CUL9: variants seen among roughly 807,000 people sequenced by gnomAD.
CUL9 encodes cullin 9.
In CUL9, 79 loss-of-function variants were observed where a neutral mutation model predicts 272.6. The observed-to-expected ratio is 0.29, with a 90% CI of 0.24 to 0.35. CUL9 has a LOEUF of 0.35. CUL9 is among the 10% of genes least tolerant of loss of function. The pLI, the probability that CUL9 is intolerant of heterozygous loss-of-function variation, is 1.00. For missense variants in CUL9, 2,532 were observed against 3,255.6 expected, an observed-to-expected ratio of 0.78 and a Z score of 5.41; for synonymous variants, 1,186 against 1,286.5, an observed-to-expected ratio of 0.92 and a Z score of 1.67.
rs1267359305 is a variant in CUL9, at chr6:43,216,148, TC to T, written c.5937-6del. The stretch of plus-strand genomic sequence containing the variant: ...GGAATACTGACTTCTGTCTCTTCCC[TC>T]CCCACAAGCCCAGAAGCTGTGGCTA... On this transcript the variant is annotated splice_polypyrimidine_tract_variant and intron_variant, in intron 30 of 40. Transcript: ENST00000252050. The T allele has an allele frequency of 6.3e-7, 1 of 1,596,894 alleles. No individual in the cohort carries two copies. Among genetic ancestry groups the T allele is most frequent in the Admixed American group, 1.7e-5 (1 of 59,592 alleles).
chr6:43,199,303 G>T lies in CUL9; in HGVS notation c.3088G>T (p.Val1030Phe). The change falls in exon 13 of 41, where the codon GTC becomes TTC. Residue 1030 changes from valine (V) to phenylalanine (F), a missense_variant. Transcript: ENST00000252050. This position sits in a 1 kb window ranked among gnomAD's most constrained non-coding sequence, Gnocchi z 4.4. ...TRLLDFPEAMVLPWHEVLEPC... is the reference protein window; with the variant it reads ...TRLLDFPEAMFLPWHEVLEPC... Reference sequence around the variant, plus strand: ...ACTGCTGGATTTCCCTGAGGCAATGGTCCTCCCCTGGCACGAGGTCTTGGA... The same window carrying T: ...ACTGCTGGATTTCCCTGAGGCAATGTTCCTCCCCTGGCACGAGGTCTTGGA... The T allele has an allele frequency of 1.9e-6, 3 of 1,613,632 alleles. No individual in the cohort carries two copies. Among genetic ancestry groups the T allele is most frequent in the Non-Finnish European group, 2.5e-6 (3 of 1,179,742 alleles).
Position 43,223,416 on chromosome 6 carries a change from C to G in CUL9, c.7284+19C>G. The G allele has an allele frequency of 6.3e-7, 1 of 1,575,638 alleles. No individual in the cohort carries two copies. The highest frequency in any genetic ancestry group is 8.6e-7 in the Non-Finnish European group (1 of 1,157,646). ...TGCCCAGGTACTGCCCGGCCCAGAC[C>G]CCTTCTGCTCCTGCATTCTGCGGGA... On this transcript the variant is annotated intron_variant, in intron 39 of 40. Coordinates refer to ENST00000252050, the MANE Select transcript of CUL9 (RefSeq NM_015089.4). This position sits in a 1 kb window ranked among gnomAD's most constrained non-coding sequence, Gnocchi z 4.1.
At chr6:43,201,315 G>C (rs1219831220) in intron 16 of CUL9, among the ~76,000 whole-genome samples, 1 of 152,074 alleles carries the variant, frequency 6.6e-6, no homozygotes, top group East Asian at 1.9e-4. Flanking sequence ...GGAAGGAGGG[G>C]GTGACTGAGC....
rs776582121 is a variant in CUL9, at chr6:43,221,785, C to T, written c.6846+7C>T. On this transcript the variant is annotated splice_region_variant and intron_variant, in intron 35 of 40. Coordinates refer to ENST00000252050, the MANE Select transcript of CUL9 (RefSeq NM_015089.4). This position sits in a 1 kb window ranked among gnomAD's most constrained non-coding sequence, Gnocchi z 4.2. ...TTACAACTGCTCTGCCATGGTAAGG[C>T]GCTGGGCACTAGGGGAGGGCAGAGG... 2 of 1,609,888 alleles carry T rather than the reference C, an allele frequency of 1.2e-6. No individual in the cohort carries two copies. The highest frequency in any genetic ancestry group is 1.7e-5 in the Admixed American group (1 of 59,960).
At position 43,205,331 on chromosome 6, in the gene CUL9, A is replaced by C. The variant is rs772543567; in HGVS notation, c.4701A>C (p.Gly1567=). 2.4e-5 allele frequency: 38 copies of C among 1,614,002 alleles called. No individual in the cohort carries two copies. Among genetic ancestry groups the C allele is most frequent in the Non-Finnish European group, 2.8e-5 (33 of 1,180,038 alleles). ...GTGGCCTGATTGGTGGAGCCCCTGG[A>C]GTGGAAATGCTGGGGCAGCTTCAGC... ...IQGGLIGGAP[G]VEMLGQLQRH... Residue 1567 remains glycine (G), a synonymous_variant, in exon 24 of 41, where the codon GGA becomes GGC. Coordinates refer to ENST00000252050, the MANE Select transcript of CUL9 (RefSeq NM_015089.4).
At chr6:43,214,028 G>T (rs1419942969) in intron 29 of CUL9, 116 bp downstream of exon 29, 4 of 1,061,002 alleles carry the variant, frequency 3.8e-6, no homozygotes, top group Non-Finnish European at 5.6e-6. Context: ...TTTCCATCTG[G>T]GTTTTCTGTT....
chr6:43,196,481 T>C lies in CUL9; in HGVS notation c.2586-164T>C, dbSNP rs562872840. The C allele has an allele frequency of 1.3e-4, 105 of 803,790 alleles. No individual in the cohort carries two copies. The African/African-American group carries it at 1.5e-3, about 12-fold the overall frequency. 49.8% of individuals were successfully genotyped at this position (803,790 alleles called of 1,614,324 possible). ...GCAGAGACACACTGACTTCCCTTTATGGGTTTGGGAGGAGTGGCCCAAGGT... is the reference window on the plus strand; with the variant it reads ...GCAGAGACACACTGACTTCCCTTTACGGGTTTGGGAGGAGTGGCCCAAGGT... On this transcript the variant is annotated intron_variant, in intron 10 of 40. Coordinates refer to ENST00000252050, the MANE Select transcript of CUL9 (RefSeq NM_015089.4).
rs201647468 is a variant in CUL9, at chr6:43,224,078, T to G, written c.7285-17T>G. The G allele has an allele frequency of 4.5e-5, 73 of 1,613,914 alleles. No individual in the cohort carries two copies. Among genetic ancestry groups the G allele is most frequent in the Middle Eastern group, 3.3e-4 (2 of 6,050 alleles). Reference sequence around the variant, plus strand: ...TGCCCTCTACCTCCTTCTCAAATCCTTCTGTCTGCTCACCAGGATTTCCGG... The same window carrying G: ...TGCCCTCTACCTCCTTCTCAAATCCGTCTGTCTGCTCACCAGGATTTCCGG... On this transcript the variant is annotated splice_polypyrimidine_tract_variant and intron_variant, in intron 39 of 40. Coordinates refer to ENST00000252050, the MANE Select transcript of CUL9 (RefSeq NM_015089.4). The surrounding 1 kb of genome is among the most constrained non-coding windows in gnomAD (Gnocchi z 4.2).
Position 43,199,887 on chromosome 6 carries a change from C to T in CUL9, c.3157-42C>T. ...TCTCCTCAATCCTTACATGTCCTAC[C>T]TCTTGTTTCCTGTAAATTAATCTAT... On this transcript the variant is annotated intron_variant, in intron 13 of 40. Transcript: ENST00000252050. The surrounding 1 kb of genome is among the most constrained non-coding windows in gnomAD (Gnocchi z 4.4). The T allele has an allele frequency of 1.3e-6, 2 of 1,499,220 alleles. No homozygotes were observed. Among genetic ancestry groups the T allele is most frequent in the Non-Finnish European group, 1.9e-6 (2 of 1,076,558 alleles). 92.9% of individuals were successfully genotyped at this position (1,499,220 alleles called of 1,614,324 possible).
chr6:43,220,999 G>T lies in CUL9; in HGVS notation c.6588+88G>T. ...CCCCACCCCGCCACACACACAGACT[G>T]TGACTTGTCCTTCCTCAGCCTCTGC... is the stretch of plus-strand genomic sequence containing the variant. On this transcript the variant is annotated intron_variant, in intron 33 of 40. Transcript: ENST00000252050. This position sits in a 1 kb window ranked among gnomAD's most constrained non-coding sequence, Gnocchi z 4.9. 1 of 1,488,486 alleles carries T rather than the reference G, an allele frequency of 6.7e-7. No individual in the cohort carries two copies. Among genetic ancestry groups the T allele is most frequent in the Non-Finnish European group, 9.0e-7 (1 of 1,111,734 alleles). The allele number at this position is 1,488,486 out of a possible 1,614,324, so 92.2% of individuals were successfully genotyped here. A position where few individuals can be genotyped will look rare whatever the true frequency, so the allele number is the denominator to read the frequency against.
In CUL9 at chr6:43,199,311, C is replaced by T; in HGVS notation, c.3096C>T (p.Pro1032=). 2 of 1,613,680 alleles carry T rather than the reference C, an allele frequency of 1.2e-6. No individual in the cohort carries two copies. The highest frequency in any genetic ancestry group is 8.5e-7 in the Non-Finnish European group (1 of 1,179,750). Reference sequence around the variant, plus strand: ...ATTTCCCTGAGGCAATGGTCCTCCCCTGGCACGAGGTCTTGGAGCCCTGCC... The same window carrying T: ...ATTTCCCTGAGGCAATGGTCCTCCCTTGGCACGAGGTCTTGGAGCCCTGCC... ...LLDFPEAMVL[P]WHEVLEPCLN... The change falls in exon 13 of 41, where the codon CCC becomes CCT. Residue 1032 remains proline (P), a synonymous_variant. Transcript: ENST00000252050. This position sits in a 1 kb window ranked among gnomAD's most constrained non-coding sequence, Gnocchi z 4.4.
rs770034011 is a variant in CUL9, at chr6:43,184,634, T to A, written c.324T>A (p.Asp108Glu). The A allele has an allele frequency of 6.2e-7, 1 of 1,611,932 alleles. No homozygotes were observed. Reference sequence around the variant, plus strand: ...TTCCTCGAGATCCAGGAGGCCTGGATGAAGTGGCAATGGGAGAGATGGAGG... The same window carrying A: ...TTCCTCGAGATCCAGGAGGCCTGGAAGAAGTGGCAATGGGAGAGATGGAGG... ...GSFPRDPGGL[D>E]EVAMGEMEAD... The change falls in exon 2 of 41, where the codon GAT becomes GAA. Residue 108 changes from aspartate to glutamate, a missense_variant. Transcript: ENST00000252050. This position sits in a 1 kb window ranked among gnomAD's most constrained non-coding sequence, Gnocchi z 4.8.
rs1773682661 is a variant in CUL9, at chr6:43,193,185, T to C, written c.2365T>C (p.Leu789=). The change falls in exon 9 of 41, where the codon TTG becomes CTG. Residue 789 remains leucine, a synonymous_variant. Coordinates refer to ENST00000252050, the MANE Select transcript of CUL9 (RefSeq NM_015089.4). Reference sequence around the variant, plus strand: ...CATGCAAGAATATAAGACTTCTGTCTTGGTGCAGCAGGCTGGGCTGGCGGT... The same window carrying C: ...CATGCAAGAATATAAGACTTCTGTCCTGGTGCAGCAGGCTGGGCTGGCGGT... ...VCMQEYKTSV[L]VQQAGLAALK... The C allele has an allele frequency of 6.2e-7, 1 of 1,614,080 alleles. No homozygotes were observed. The highest frequency in any genetic ancestry group is 8.5e-7 in the Non-Finnish European group (1 of 1,180,000).
In CUL9 at chr6:43,206,453, T is replaced by C. The variant is rs202072617; in HGVS notation, c.5155T>C (p.Cys1719Arg). The change falls in exon 26 of 41, where the codon TGC becomes CGC. Residue 1719 changes from cysteine (C) to arginine (R), a missense_variant. Cys to Arg is a radical substitution (Grantham distance 180). This residue lies in a region of CUL9 where 2,218 missense variants were observed against 2,788.6 expected (regional missense o/e 0.80). Transcript: ENST00000252050. This position sits in a 1 kb window ranked among gnomAD's most constrained non-coding sequence, Gnocchi z 4.8. The part of the protein sequence containing the change: ...PLCYLYHPRK[C>R]LPTEFCDALD... ...CTGCTACCTGTACCATCCCAGAAAG[T>C]GCCTTCCCACAGAATTCTGTGATGC... 4 of 1,614,178 alleles carry C rather than the reference T, an allele frequency of 2.5e-6. No individual in the cohort carries two copies. The East Asian group carries it at 8.9e-5, about 36-fold the overall frequency.
At position 43,204,479 on chromosome 6, in the gene CUL9, C is replaced by T. The variant is rs1256695361; in HGVS notation, c.4279C>T (p.His1427Tyr). 3 of 1,614,036 alleles carry T rather than the reference C, an allele frequency of 1.9e-6. No individual in the cohort carries two copies. The African/African-American group carries it at 4.0e-5, about 22-fold the overall frequency. Residue 1427 changes from histidine to tyrosine, a missense_variant, in exon 21 of 41, where the codon CAC becomes TAC. Around this residue, in one of 3 missense-constraint regions of CUL9, gnomAD observed 2,218 missense variants for 2,788.6 expected, o/e 0.80. Transcript: ENST00000252050. Reference protein sequence around the residue: ...SFASRVRRLCHLLVHVEPPPG... With the variant: ...SFASRVRRLCYLLVHVEPPPG... ...TGCTTCTCGAGTTCGTCGCCTTTGC[C>T]ACTTGCTGGTGCATGTGGAACCTCC...
chr6:43,197,641 AC>A (rs1029951111), intron 11 of CUL9, among the ~76,000 whole-genome samples: 1 of 151,356 alleles, frequency 6.6e-6, no homozygotes, highest in East Asian at 2.0e-4. Context: ...GCACCACCAC[AC>A]CCAGCTAATT....
At chr6:43,215,888 G>T (rs1775893970) in intron 30 of CUL9, among the ~76,000 whole-genome samples, 1 of 152,172 alleles carries the variant, frequency 6.6e-6, no homozygotes, top group African/African-American at 2.4e-5. Context: ...CCTACAGTGG[G>T]ACTGTCCCAT....
Position 43,223,490 on chromosome 6 carries a change from G to A in CUL9, c.7284+93G>A. Reference sequence around the variant, plus strand: ...CAGCCCCTGCCCTGGGGCGAGTCCAGAAGGAAAGGCAGCAAAGCGGGTGAA... The same window carrying A: ...CAGCCCCTGCCCTGGGGCGAGTCCAAAAGGAAAGGCAGCAAAGCGGGTGAA... On this transcript the variant is annotated intron_variant, in intron 39 of 40. Coordinates refer to ENST00000252050, the MANE Select transcript of CUL9 (RefSeq NM_015089.4). The surrounding 1 kb of genome is among the most constrained non-coding windows in gnomAD (Gnocchi z 4.1). The A allele has an allele frequency of 6.8e-7, 1 of 1,467,798 alleles. No individual in the cohort carries two copies. The highest frequency in any genetic ancestry group is 9.1e-7 in the Non-Finnish European group (1 of 1,098,646). The allele number at this position is 1,467,798 out of a possible 1,614,324, so 90.9% of individuals were successfully genotyped here. A position where few individuals can be genotyped will look rare whatever the true frequency, so the allele number is the denominator to read the frequency against.
intron 12 of CUL9, 86 bp downstream of exon 12, chr6:43,198,941 T>TTG: frequency 1.0e-6 from 1 of 994,766 alleles, no homozygotes; most frequent in East Asian, 3.7e-5. Context: ...TCTGTTTTCT[T>TTG]TTTTTTTTTT....
Sources: gnomAD v4.1 joint callset for allele counts (sites outside exome capture counted in the v4.1 genomes callset) on GRCh38, gnomAD v4.1.1 for gene constraint, gnomAD v4.1.1 regional missense constraint, Gnocchi (gnomAD v3.1) non-coding constraint, MANE v1.5 for transcripts, NCBI Gene and HGNC (gene_info 2026-07-23, HGNC 2026-07-21) for gene names.